The following RAB36 variants were observed in gnomAD, a reference collection of about 807,000 sequenced individuals.
RAB36 encodes RAB36, member RAS oncogene family.
RAB36 carries 33 observed loss-of-function variants against 39.3 expected under a neutral mutation model. That is an observed-to-expected ratio of 0.84 (90% CI 0.64 to 1.12). The LOEUF (loss-of-function observed/expected upper bound fraction) is 1.12, where lower values mean the gene tolerates loss of function less well. Ranked by LOEUF, RAB36 falls within the 50% of genes most tolerant of loss-of-function variation. RAB36 has a pLI of 0.00. For missense variants in RAB36, 308 were observed against 355.3 expected (o/e 0.87, Z 1.07); for synonymous variants, 133 against 140.2 (o/e 0.95, Z 0.36).
intron 2 of RAB36, among the ~76,000 whole-genome samples, chr22:23,147,679 G>A (rs1381222514): frequency 6.6e-6 from 1 of 152,090 alleles, no homozygotes; most frequent in African/African-American, 2.4e-5. Context: ...TTCTGGCATG[G>A]GTTTACAATG....
intron 3 of RAB36, among the ~76,000 whole-genome samples, chr22:23,150,592 TGCCCA>T (rs2071060164): frequency 6.6e-6 from 1 of 151,826 alleles, no homozygotes; most frequent in African/African-American, 2.4e-5. Flanking sequence ...TGAGCCACCG[TGCCCA>T]GCCAGATGAC....
At position 23,150,166 on chromosome 22, in the gene RAB36, G is replaced by T. The variant is rs1369468386; in HGVS notation, c.161+12G>T. The T allele has an allele frequency of 2.5e-6, 4 of 1,602,468 alleles. No homozygotes were observed. The South Asian group carries it at 4.4e-5, about 18-fold the overall frequency. On this transcript the variant is annotated intron_variant, in intron 3 of 10. Coordinates refer to ENST00000263116, the MANE Select transcript of RAB36 (RefSeq NM_004914.5). ...ACGGGGACTGTCGGGTGAGCCTGCA[G>T]GGTGTGGGATGGGGGAGCAGGTGGC...
intron 5 of RAB36, 100 bp from the exon 6 acceptor site, chr22:23,155,868 C>T (rs2071418481): frequency 1.8e-6 from 2 of 1,113,716 alleles, no homozygotes; most frequent in Non-Finnish European, 2.5e-6. Context: ...TGGCACAGGC[C>T]CTTAGGGTCT....
rs532442393 is a variant in RAB36, at chr22:23,159,196, G to A, written c.562G>A (p.Ala188Thr). ...GAACEQAEADAVHLAREMQAE... is the reference protein window; with the variant it reads ...GAACEQAEADTVHLAREMQAE... ...CGCATGTGAGCAGGCCGAAGCAGACGCTGTGCACCTGGCCAGGGAGATGCA... is the reference window on the plus strand; with the variant it reads ...CGCATGTGAGCAGGCCGAAGCAGACACTGTGCACCTGGCCAGGGAGATGCA... The change falls in exon 9 of 11, where the codon GCT (alanine) becomes ACT (threonine). Residue 188 changes from alanine (A) to threonine (T), a missense_variant. Coordinates refer to ENST00000263116, the MANE Select transcript of RAB36 (RefSeq NM_004914.5). 1.2e-6 allele frequency: 2 copies of A among 1,610,708 alleles called. No homozygotes were observed. Among genetic ancestry groups the A allele is most frequent in the South Asian group, 1.1e-5 (1 of 90,322 alleles).
At chr22:23,146,781 C>G in intron 2 of RAB36, 96 bp downstream of exon 2, 1 of 1,507,528 alleles carries the variant, frequency 6.6e-7, no homozygotes. Context: ...GCAGGTGAAT[C>G]AAGGAGGTCT....
chr22:23,161,688 C>T lies in RAB36; in HGVS notation c.*124C>T. On this transcript the variant is annotated 3_prime_UTR_variant, in exon 11 of 11. Transcript: ENST00000263116. ...CGCCCTCAAGCTGTAGGCCCATGTT[C>T]CAGTCCCTCCACCCACCCACCGGGC... 5.0e-6 allele frequency: 4 copies of T among 802,626 alleles called. No homozygotes were observed. The highest frequency in any genetic ancestry group is 3.5e-5 in the South Asian group (2 of 57,434). The allele number at this position is 802,626 out of a possible 1,614,324, so 49.7% of individuals were successfully genotyped here.
chr22:23,156,485 C>T (rs1238873163), intron 6 of RAB36, among the ~76,000 whole-genome samples: 1 of 152,168 alleles, frequency 6.6e-6, no homozygotes, highest in East Asian at 1.9e-4. Context: ...TCACCACTTC[C>T]ATGGCCAAGG....
In RAB36 at chr22:23,163,606, G is replaced by GCCACCCCCC. The variant is rs1555954101; in HGVS notation, c.*2044_*2045insACCCCCCCC. ...AAAGCATATAAAATACAAGGTGAAA[G>GCCACCCCCC]CCCCCCCCCCGCCACATTAGCTGCG... On this transcript the variant is annotated 3_prime_UTR_variant, in exon 11 of 11. Coordinates refer to ENST00000263116, the MANE Select transcript of RAB36 (RefSeq NM_004914.5). 8.0e-6 allele frequency: 1 copy of GCCACCCCCC among 125,234 alleles called. No individual in the cohort carries two copies. Among genetic ancestry groups the GCCACCCCCC allele is most frequent in the African/African-American group, 2.7e-5 (1 of 36,394 alleles). 7.8% of individuals were successfully genotyped at this position (125,234 alleles called of 1,614,324 possible).
chr22:23,159,814 G>A (rs558556574), intron 9 of RAB36, among the ~76,000 whole-genome samples: 4 of 152,240 alleles, frequency 2.6e-5, no homozygotes, highest in South Asian at 2.1e-4. Context: ...ACTCCCCACC[G>A]GGTCTACCCC....
rs2071812177 is a variant in RAB36 at position 23,161,624 on chromosome 22, CTG to C, written c.*63_*64del. ...CACACACGGACAGGAATTTCCGTGA[CTG>C]TGGTGTGGAGACTGGAGCCCAAGCT... On this transcript the variant is annotated 3_prime_UTR_variant, in exon 11 of 11. Coordinates refer to ENST00000263116, the MANE Select transcript of RAB36 (RefSeq NM_004914.5). 2.1e-6 allele frequency: 3 copies of C among 1,431,408 alleles called. No homozygotes were observed. The highest frequency in any genetic ancestry group is 1.9e-6 in the Non-Finnish European group (2 of 1,042,052). The allele number at this position is 1,431,408 out of a possible 1,614,324, so 88.7% of individuals were successfully genotyped here. A position where few individuals can be genotyped will look rare whatever the true frequency, so the allele number is the denominator to read the frequency against.
Position 23,146,751 on chromosome 22 carries a change from C to T in RAB36, c.69+66C>T, listed in dbSNP as rs914966797. 1.3e-5 allele frequency: 21 copies of T among 1,583,582 alleles called. No individual in the cohort carries two copies. The African/African-American group carries it at 2.6e-4, about 19-fold the overall frequency. ...AGCCACATCAGCTCTCCCCACTCTA[C>T]ACTCATGCCTAGAAGTAAAGCAGGT... On this transcript the variant is annotated intron_variant, in intron 2 of 10. Transcript: ENST00000263116.
chr22:23,161,497 C>T lies in RAB36; in HGVS notation c.740-3C>T, dbSNP rs372333155. 3.1e-6 allele frequency: 5 copies of T among 1,608,604 alleles called. No homozygotes were observed. The highest frequency in any genetic ancestry group is 1.3e-5 in the African/African-American group (1 of 74,920). ...TGCTAAATTACTTCTCCCCTCCTTACAGAAATGGAAGGGAGTCCGCCCGAG... is the reference window on the plus strand; with the variant it reads ...TGCTAAATTACTTCTCCCCTCCTTATAGAAATGGAAGGGAGTCCGCCCGAG... On this transcript the variant is annotated splice_region_variant and splice_polypyrimidine_tract_variant and intron_variant, in intron 10 of 10. Transcript: ENST00000263116.
At position 23,153,195 on chromosome 22, in the gene RAB36, T is replaced by G. The variant is rs1008549956; in HGVS notation, c.329+61T>G. 95 of 1,265,566 alleles carry G rather than the reference T, an allele frequency of 7.5e-5. No individual in the cohort carries two copies. The Admixed American group carries it at 1.6e-3, about 21-fold the overall frequency. 78.4% of individuals were successfully genotyped at this position (1,265,566 alleles called of 1,614,324 possible). ...TTCCTACAGGCACCTGAGAAAGGATTTGGGGAGCTCCTTCACTGTGTCCAT... is the reference window on the plus strand; with the variant it reads ...TTCCTACAGGCACCTGAGAAAGGATGTGGGGAGCTCCTTCACTGTGTCCAT... On this transcript the variant is annotated intron_variant, in intron 5 of 10. Transcript: ENST00000263116.
In RAB36 at chr22:23,163,499, A is replaced by G. The variant is rs1269167425; in HGVS notation, c.*1935A>G. 6.6e-6 allele frequency: 1 copy of G among 152,300 alleles called. No individual in the cohort carries two copies. The highest frequency in any genetic ancestry group is 1.5e-5 in the Non-Finnish European group (1 of 68,196). The allele number at this position is 152,300 out of a possible 1,614,324, so 9.4% of individuals were successfully genotyped here. On this transcript the variant is annotated 3_prime_UTR_variant, in exon 11 of 11. Transcript: ENST00000263116. ...CGCCTCGGCCTCCCAAAGTGCTGGGATTACAGGCCTGAGCCACCGCGTCCG... is the reference window on the plus strand; with the variant it reads ...CGCCTCGGCCTCCCAAAGTGCTGGGGTTACAGGCCTGAGCCACCGCGTCCG...
chr22:23,149,237 AC>A (rs1320380718), intron 2 of RAB36, among the ~76,000 whole-genome samples: 1 of 152,200 alleles, frequency 6.6e-6, no homozygotes, highest in African/African-American at 2.4e-5. Context: ...TACACAGATC[AC>A]ACCAACAGCC....
intron 1 of RAB36, chr22:23,145,822 C>G (rs928714747): frequency 2.9e-6 from 1 of 346,772 alleles, no homozygotes; most frequent in Admixed American, 6.5e-5. Context: ...GGAGTCCGGA[C>G]AGAAAAAGGA....
rs1407024012 is a variant in RAB36, at chr22:23,162,919, T to TC, written c.*1355_*1356insC. On this transcript the variant is annotated 3_prime_UTR_variant, in exon 11 of 11. Transcript: ENST00000263116. ...GTAGTTTTTTATATAAATGACTTTT[T>TC]TTTTTTTTTGAGATGGAGTTTCACC... 2.9e-6 allele frequency: 1 copy of TC among 346,528 alleles called. No homozygotes were observed. The highest frequency in any genetic ancestry group is 2.2e-5 in the African/African-American group (1 of 46,416). 21.5% of individuals were successfully genotyped at this position (346,528 alleles called of 1,614,324 possible). A position where few individuals can be genotyped will look rare whatever the true frequency, so the allele number is the denominator to read the frequency against.
intron 5 of RAB36, 152 bp downstream of exon 5, chr22:23,153,286 C>G: frequency 1.5e-6 from 1 of 665,044 alleles, no homozygotes; most frequent in East Asian, 2.7e-5. Flanking sequence ...CTTCCTGGCT[C>G]CCAGAGCCCC....
chr22:23,164,776 CACCTGTCTCTTCTGCTGGAG>C lies in RAB36; in HGVS notation c.*3215_*3234del. Among the ~76,000 whole-genome samples the C allele has an allele frequency of 6.6e-6, 1 of 152,268 alleles. No individual in the cohort carries two copies. Among genetic ancestry groups the C allele is most frequent in the African/African-American group, 2.4e-5 (1 of 41,552 alleles). On this transcript the variant is annotated 3_prime_UTR_variant, in exon 11 of 11. Coordinates refer to ENST00000263116, the MANE Select transcript of RAB36 (RefSeq NM_004914.5). ...CTGTCCATCTGTGTGTCCTTCCGTT[CACCTGTCTCTTCTGCTGGAG>C]ACACGTACCTGAAGCAGGTCCTCTC...
Sources: gnomAD v4.1 joint callset for allele counts (sites outside exome capture counted in the v4.1 genomes callset) on GRCh38, gnomAD v4.1.1 for gene constraint, MANE v1.5 for transcripts, NCBI Gene and HGNC (gene_info 2026-07-23, HGNC 2026-07-21) for gene names.